Variants in MYSM1 observed in about 807,000 individuals in gnomAD.
The protein encoded by MYSM1 is Myb like, SWIRM and MPN domains 1, also known as deubiquitinase MYSM1.
MYSM1 carries 51 observed loss-of-function variants against 116.0 expected under a neutral mutation model. The observed-to-expected ratio is 0.44, with a 90% CI of 0.35 to 0.56. MYSM1 has a LOEUF of 0.56. Ranked by LOEUF, MYSM1 falls within the 20% of genes least tolerant of loss-of-function variation. MYSM1 has a pLI of 0.00. For missense variants in MYSM1, 900 were observed against 974.9 expected (o/e 0.92, Z 1.02); for synonymous variants, 313 against 315.2 (o/e 0.99, Z 0.07).
intron 9 of MYSM1, among the ~76,000 whole-genome samples, chr1:58,676,099 T>C (rs1644646295): frequency 6.6e-6 from 1 of 152,202 alleles, no homozygotes; most frequent in South Asian, 2.1e-4. Context: ...TTTGTAGCTA[T>C]GAATGGTTGT....
chr1:58,681,058 G>A (rs1019081215), intron 8 of MYSM1, among the ~76,000 whole-genome samples: 2 of 152,108 alleles, frequency 1.3e-5, no homozygotes, highest in African/African-American at 4.8e-5. Context: ...TCAAACTCCT[G>A]ACCTCAAATG....
chr1:58,685,628 C>T (rs963099719), intron 6 of MYSM1, among the ~76,000 whole-genome samples: 1 of 152,206 alleles, frequency 6.6e-6, no homozygotes, highest in Non-Finnish European at 1.5e-5. Flanking sequence ...ATACGATCAA[C>T]TGAACATGTT....
intron 14 of MYSM1, 72 bp downstream of exon 14, chr1:58,668,560 C>G: frequency 6.6e-7 from 1 of 1,523,064 alleles, no homozygotes; most frequent in East Asian, 2.4e-5. Context: ...CATACTCTGT[C>G]TTACGCCTGC....
intron 2 of MYSM1, among the ~76,000 whole-genome samples, chr1:58,694,570 G>A (rs567505980): frequency 3.3e-5 from 5 of 151,622 alleles, no homozygotes; most frequent in East Asian, 1.9e-4. Flanking sequence ...GCAGTGAGCC[G>A]AGATCACGAA....
intron 17 of MYSM1, among the ~76,000 whole-genome samples, chr1:58,663,118 A>G (rs1644418643): frequency 6.6e-6 from 1 of 152,186 alleles, no homozygotes; most frequent in African/African-American, 2.4e-5. Flanking sequence ...AAAATAAGCA[A>G]TAAATGTCAG....
intron 12 of MYSM1, among the ~76,000 whole-genome samples, chr1:58,669,936 G>T (rs1401943201): frequency 6.6e-6 from 1 of 150,402 alleles, no homozygotes; most frequent in Non-Finnish European, 1.5e-5. Context: ...ATAAATCTCA[G>T]AAATGTCAGT....
intron 10 of MYSM1, 57 bp from the exon 11 acceptor site, chr1:58,673,707 G>T: frequency 7.3e-7 from 1 of 1,367,016 alleles, no homozygotes; most frequent in Non-Finnish European, 1.0e-6. Flanking sequence ...AGAAATCATA[G>T]CACATTAATA....
intron 10 of MYSM1, among the ~76,000 whole-genome samples, chr1:58,673,970 A>G (rs1276590614): frequency 6.6e-6 from 1 of 152,194 alleles, no homozygotes; most frequent in Non-Finnish European, 1.5e-5. Flanking sequence ...GTATTTTGCT[A>G]GCATTTCTTC....
In MYSM1 at chr1:58,692,827, A is replaced by C. The variant is rs747647352; in HGVS notation, c.218+34T>G. 7.1e-6 allele frequency: 11 copies of C among 1,553,122 alleles called. No homozygotes were observed. In the Admixed American group the frequency reaches 2.0e-4, roughly 28 times the overall value. On this transcript the variant is annotated intron_variant, in intron 3 of 19. Transcript: ENST00000472487. Reference sequence around the variant, plus strand: ...CATTTATAGATTTTTTTCACCCTGAAACCTGTACTTTCCTCATAATCATTA... The same window carrying C: ...CATTTATAGATTTTTTTCACCCTGACACCTGTACTTTCCTCATAATCATTA...
chr1:58,670,516 A>C (rs1644544097), intron 12 of MYSM1, among the ~76,000 whole-genome samples: 1 of 152,258 alleles, frequency 6.6e-6, no homozygotes, highest in African/African-American at 2.4e-5. Flanking sequence ...GAGGTGACTA[A>C]GTAAAATAAT....
chr1:58,676,905 T>A (rs758370444), intron 9 of MYSM1, 21 bp downstream of exon 9: 3 of 1,606,324 alleles, frequency 1.9e-6, no homozygotes, highest in South Asian at 1.1e-5. Flanking sequence ...GTAAAAGATG[T>A]TGTTGGGTTT....
intron 6 of MYSM1, among the ~76,000 whole-genome samples, chr1:58,688,095 T>C (rs1393035184): frequency 2.0e-5 from 3 of 151,854 alleles, no homozygotes; most frequent in Non-Finnish European, 4.4e-5. Flanking sequence ...TACAACACAC[T>C]GAAATATCAA....
Position 58,667,138 on chromosome 1 carries a change from A to G in MYSM1, c.1931T>C (p.Leu644Ser). The change falls in exon 16 of 20, where the codon TTG (leucine) becomes TCG (serine). Residue 644 changes from leucine (L) to serine (S), a missense_variant. Leu to Ser is a moderately radical substitution (Grantham distance 145). Coordinates refer to ENST00000472487, the MANE Select transcript of MYSM1 (RefSeq NM_001085487.3). ...AATAACACTGAAGCCTCTAACAGCCAAGGTTTCTGAGGCCTGTGTTTGTGA... is the reference window on the plus strand; with the variant it reads ...AATAACACTGAAGCCTCTAACAGCCGAGGTTTCTGAGGCCTGTGTTTGTGA... ...PVSQTQASETLAVRGFSVIGW... is the reference protein window; with the variant it reads ...PVSQTQASETSAVRGFSVIGW... 6.2e-7 allele frequency: 1 copy of G among 1,613,586 alleles called. No homozygotes were observed. Among genetic ancestry groups the G allele is most frequent in the Non-Finnish European group, 8.5e-7 (1 of 1,179,634 alleles).
intron 6 of MYSM1, among the ~76,000 whole-genome samples, chr1:58,687,769 T>C (rs1486966934): frequency 6.6e-6 from 1 of 152,170 alleles, no homozygotes; most frequent in Non-Finnish European, 1.5e-5. Context: ...ATCTTATCAA[T>C]GTCCTGCTGG....
intron 6 of MYSM1, among the ~76,000 whole-genome samples, chr1:58,686,054 T>C (rs887330242): frequency 2.0e-5 from 3 of 152,182 alleles, no homozygotes; most frequent in African/African-American, 4.8e-5. Flanking sequence ...GCCTTCCCAG[T>C]AGCTGGGACT....
chr1:58,680,447 T>G (rs1482250261), intron 8 of MYSM1, among the ~76,000 whole-genome samples: 1 of 152,234 alleles, frequency 6.6e-6, no homozygotes, highest in African/African-American at 2.4e-5. Flanking sequence ...CAGGAGTTGT[T>G]CCTTGCAAGT....
In MYSM1 at chr1:58,682,180, T is replaced by C. The variant is rs1281951401; in HGVS notation, c.864A>G (p.Thr288=). ...ACAGTGTAATTTCTGAGCTTGAAAGTGTTTCATCTTGCTTTTCATTTTGAA... is the reference window on the plus strand; with the variant it reads ...ACAGTGTAATTTCTGAGCTTGAAAGCGTTTCATCTTGCTTTTCATTTTGAA... ...GCLQNEKQDE[T]LSSSEITLWT... Residue 288 remains threonine (T), a synonymous_variant, in exon 8 of 20, where the codon ACA becomes ACG. Coordinates refer to ENST00000472487, the MANE Select transcript of MYSM1 (RefSeq NM_001085487.3). The C allele has an allele frequency of 1.2e-6, 2 of 1,612,794 alleles. No individual in the cohort carries two copies. Among genetic ancestry groups the C allele is most frequent in the Non-Finnish European group, 1.7e-6 (2 of 1,178,900 alleles).
At chr1:58,690,540 GACT>G (rs1644890062) in intron 3 of MYSM1, 123 bp from the exon 4 acceptor site, 6 of 620,352 alleles carry the variant, frequency 9.7e-6, no homozygotes, top group Non-Finnish European at 1.6e-5. Context: ...AATTAGAAGT[GACT>G]ACAAGAAACA....
chr1:58,678,916 G>A (rs528387), intron 8 of MYSM1, among the ~76,000 whole-genome samples: 8,784 of 152,146 alleles, frequency 0.058, 798 homozygotes, highest in African/African-American at 0.2. Flanking sequence ...TTTACCTAGT[G>A]TGACCTGGAA....
Sources: allele counts gnomAD v4.1 joint callset (sites outside exome capture counted in the v4.1 genomes callset), GRCh38; gene constraint gnomAD v4.1.1; transcripts MANE v1.5; gene names NCBI Gene and HGNC (gene_info 2026-07-23, HGNC 2026-07-21).